TCF20: variants seen among roughly 807,000 people sequenced by gnomAD.
TCF20 encodes SPRE-binding protein.
In TCF20, 3 loss-of-function variants were observed where a neutral mutation model predicts 148.6. The ratio of observed to expected loss-of-function variants is 0.02; its 90% CI spans 0.01 to 0.05. TCF20 has a LOEUF of 0.05. Among genes scored for constraint, TCF20 ranks in the 10% least tolerant of loss-of-function variants. TCF20 has a pLI of 1.00. For synonymous variants in TCF20, 1,049 were observed against 909.5 expected (o/e 1.15, Z -2.76); for missense variants, 2,350 against 2,429.3 (o/e 0.97, Z 0.69).
chr22:42,260,251 C>T (rs141580338), intron 1 of TCF20, among the ~76,000 whole-genome samples: 2 of 152,218 alleles, frequency 1.3e-5, no homozygotes, highest in African/African-American at 4.8e-5. Context: ...AAACCTGTAG[C>T]TTAGAGAGCA....
At chr22:42,288,062 CTT>C (rs1927063839), upstream of TCF20, among the ~76,000 whole-genome samples, 5 of 152,134 alleles carry the variant, frequency 3.3e-5, no homozygotes, top group South Asian at 1.0e-3. Flanking sequence ...AGAAAGCCCT[CTT>C]GAGCTCCCAG....
chr22:42,229,882 C>A (rs1333736525), intron 1 of TCF20, among the ~76,000 whole-genome samples: 1 of 152,136 alleles, frequency 6.6e-6, no homozygotes, highest in Non-Finnish European at 1.5e-5. Flanking sequence ...GTATGAATGC[C>A]TTATCTCCCC....
intron 1 of TCF20, among the ~76,000 whole-genome samples, chr22:42,240,516 T>C (rs925488870): frequency 3.3e-5 from 5 of 152,196 alleles, no homozygotes; most frequent in African/African-American, 1.2e-4. Flanking sequence ...ATACAATATA[T>C]ATACATCTTT....
Position 42,338,150 on chromosome 22 carries a change from C to G in TCF20, c.-37+5329G>C, listed in dbSNP as rs955799809. Reference sequence around the variant, plus strand: ...CACAACTCCCGCCTCGGTCTCCACGCGTCCCCTGAGATCCCCCACCGCCCT... The same window carrying G: ...CACAACTCCCGCCTCGGTCTCCACGGGTCCCCTGAGATCCCCCACCGCCCT... On this transcript the variant is annotated intron_variant, in intron 1 of 1. Coordinates refer to the TCF20 transcript ENST00000515426. The surrounding 1 kb of genome is among the most constrained non-coding windows in gnomAD (Gnocchi z 4.0). Among the ~76,000 whole-genome samples, 1 of 152,220 alleles carries G rather than the reference C, an allele frequency of 6.6e-6. No individual in the cohort carries two copies. The highest frequency in any genetic ancestry group is 2.4e-5 in the African/African-American group (1 of 41,460).
chr22:42,249,918 C>T (rs533878726), intron 1 of TCF20, among the ~76,000 whole-genome samples: 26 of 152,062 alleles, frequency 1.7e-4, no homozygotes, highest in Admixed American at 3.3e-4. Flanking sequence ...CACAGAAGTG[C>T]ATTATCACAA....
Position 42,310,252 on chromosome 22 carries a change from C to A in TCF20, c.-37+33227G>T, listed in dbSNP as rs548295953. 7.2e-5 allele frequency among the ~76,000 whole-genome samples: 11 copies of A among 152,280 alleles called. No individual in the cohort carries two copies. In the South Asian group the frequency reaches 2.1e-3, roughly 29 times the overall value. Reference sequence around the variant, plus strand: ...GGAAATGGAAAGTGTTTAATTAGGGCAATGACAATCATATGTTGGCACATT... The same window carrying A: ...GGAAATGGAAAGTGTTTAATTAGGGAAATGACAATCATATGTTGGCACATT... On this transcript the variant is annotated intron_variant, in intron 1 of 1. Coordinates refer to the TCF20 transcript ENST00000515426.
At chr22:42,307,225 A>G (rs1484885397) in intron 1 of TCF20, among the ~76,000 whole-genome samples, 1 of 152,112 alleles carries the variant, frequency 6.6e-6, no homozygotes, top group Non-Finnish European at 1.5e-5. Context: ...CCAGCAGTGC[A>G]CAGTGGTCAG....
chr22:42,270,706 G>A (rs866990106), upstream of TCF20, among the ~76,000 whole-genome samples: 63 of 142,958 alleles, frequency 4.4e-4, no homozygotes, highest in South Asian at 2.2e-3. Context: ...GCCGCGGCGC[G>A]CGGGCGGGCG....
rs1218898389 is a variant in TCF20, at chr22:42,279,248, T to C, written c.-37+4579A>G. Among the ~76,000 whole-genome samples the C allele has an allele frequency of 6.6e-6, 1 of 152,150 alleles. No individual in the cohort carries two copies. Among genetic ancestry groups the C allele is most frequent in the Non-Finnish European group, 1.5e-5 (1 of 68,020 alleles). The stretch of plus-strand genomic sequence containing the variant: ...GGCCAGGTGCAGTGGCTCATACCTG[T>C]AGTCCCAGCACTTTGGGAGGCTGAG... On this transcript the variant is annotated intron_variant, in intron 1 of 5. Coordinates refer to the TCF20 transcript ENST00000359486. The surrounding 1 kb of genome is among the most constrained non-coding windows in gnomAD (Gnocchi z 4.3).
rs1491280192 is a variant in TCF20 at position 42,242,227 on chromosome 22, A to AAAAAAAAAAAAAAAAAAAAAAAAAT, written c.-36-26887_-36-26886insATTTTTTTTTTTTTTTTTTTTTTTT. ...CAAAAAAAAAAAAAAAAAAAAAAAA[A>AAAAAAAAAAAAAAAAAAAAAAAAAT]CAGAAAAGAAAGGGTGACTACAAGG... is the stretch of plus-strand genomic sequence containing the variant. On this transcript the variant is annotated intron_variant, in intron 1 of 5. Transcript: ENST00000677622. Among the ~76,000 whole-genome samples, 24 of 122,744 alleles carry AAAAAAAAAAAAAAAAAAAAAAAAAT rather than the reference A, an allele frequency of 2.0e-4. 3 individuals carry two copies. Among genetic ancestry groups the AAAAAAAAAAAAAAAAAAAAAAAAAT allele is most frequent in the Admixed American group, 3.4e-4 (4 of 11,616 alleles). The allele number at this position is 122,744 out of a possible 152,430, so 80.5% of individuals were successfully genotyped here.
intron 1 of TCF20, among the ~76,000 whole-genome samples, chr22:42,249,020 G>T (rs1925145744): frequency 6.6e-6 from 1 of 152,182 alleles, no homozygotes; most frequent in African/African-American, 2.4e-5. Flanking sequence ...CCTCTATGTT[G>T]GTGGGTATCA....
chr22:42,314,553 T>C (rs1927596331), intron 1 of TCF20, among the ~76,000 whole-genome samples: 1 of 152,138 alleles, frequency 6.6e-6, no homozygotes, highest in Admixed American at 6.5e-5. Context: ...GAGCTAGCAA[T>C]TACCAGGCGG....
chr22:42,210,031 C>G lies in TCF20; in HGVS notation c.5275G>C (p.Gly1759Arg). 6.2e-7 allele frequency: 1 copy of G among 1,612,888 alleles called. No individual in the cohort carries two copies. The highest frequency in any genetic ancestry group is 8.5e-7 in the Non-Finnish European group (1 of 1,180,032). The change falls in exon 2 of 6, where the codon GGC becomes CGC. Residue 1759 changes from glycine (G) to arginine (R), a missense_variant. Transcript: ENST00000677622. The surrounding 1 kb of genome is among the most constrained non-coding windows in gnomAD (Gnocchi z 4.7). ...TCCTCCTCAGTGTCCGTCTTGGAGCCATTAGAAGCACTTTTGTGCCGTACC... is the reference window on the plus strand; with the variant it reads ...TCCTCCTCAGTGTCCGTCTTGGAGCGATTAGAAGCACTTTTGTGCCGTACC... ...VKVRHKSASN[G>R]SKTDTEEEEE... is the part of the protein sequence containing the mutation.
intron 1 of TCF20, among the ~76,000 whole-genome samples, chr22:42,223,614 T>A (rs1400822978): frequency 6.6e-6 from 1 of 152,182 alleles, no homozygotes; most frequent in Non-Finnish European, 1.5e-5. Flanking sequence ...TGGTAAACAA[T>A]GAGATAAGAT....
intron 1 of TCF20, among the ~76,000 whole-genome samples, chr22:42,246,861 G>T (rs1924952616): frequency 6.6e-6 from 1 of 151,852 alleles, no homozygotes; most frequent in African/African-American, 2.4e-5. Flanking sequence ...AGCTACTTGG[G>T]AGGCTGATGC....
intron 1 of TCF20, among the ~76,000 whole-genome samples, chr22:42,227,861 T>C (rs1376641944): frequency 6.6e-6 from 1 of 152,172 alleles, no homozygotes; most frequent in East Asian, 1.9e-4. Flanking sequence ...TGGCAACCCA[T>C]CCCACTACTG....
At chr22:42,319,433 A>G (rs1466868960) in intron 1 of TCF20, among the ~76,000 whole-genome samples, 1 of 152,130 alleles carries the variant, frequency 6.6e-6, no homozygotes, top group Non-Finnish European at 1.5e-5. Flanking sequence ...TGTTGGGGAG[A>G]CAGGGGACCT....
At chr22:42,251,334 C>G (rs938463507) in intron 1 of TCF20, among the ~76,000 whole-genome samples, 1 of 151,866 alleles carries the variant, frequency 6.6e-6, no homozygotes, top group Admixed American at 6.6e-5. Context: ...TATAGGTGCA[C>G]GCTAGCTTGC....
rs909279986 is a variant in TCF20 at position 42,290,088 on chromosome 22, C to T, written c.-37+53391G>A. On this transcript the variant is annotated intron_variant, in intron 1 of 1. Transcript: ENST00000515426. The surrounding 1 kb of genome is among the most constrained non-coding windows in gnomAD (Gnocchi z 4.2). ...CGCACGCATGCGCCCCCTGCACCGC[C>T]GGCTGCTGCTTGGGGAGCGGGGGTC... Among the ~76,000 whole-genome samples, 2 of 152,328 alleles carry T rather than the reference C, an allele frequency of 1.3e-5. No individual in the cohort carries two copies. The highest frequency in any genetic ancestry group is 3.9e-4 in the East Asian group (2 of 5,174).
Sources: allele counts gnomAD v4.1 joint callset (sites outside exome capture counted in the v4.1 genomes callset), GRCh38; gene constraint gnomAD v4.1.1; non-coding constraint Gnocchi (gnomAD v3.1); transcripts MANE v1.5; gene names NCBI Gene and HGNC (gene_info 2026-07-23, HGNC 2026-07-21).